Variants in G6PC1 observed in about 807,000 individuals in gnomAD.
G6PC1 encodes the protein glucose-6-phosphatase catalytic subunit 1.
In G6PC1, 23 loss-of-function variants were observed where a neutral mutation model predicts 30.4. The observed-to-expected ratio is 0.76, with a 90% CI of 0.55 to 1.07. The LOEUF (loss-of-function observed/expected upper bound fraction) is 1.07, where lower values mean the gene tolerates loss of function less well. G6PC1 is among the 50% of genes least tolerant of loss of function. G6PC1 has a pLI of 0.00. For synonymous variants in G6PC1, 163 were observed against 175.6 expected (o/e 0.93, Z 0.57); for missense variants, 391 against 433.9 (o/e 0.90, Z 0.88).
rs2056102821 is a variant in G6PC1 at position 42,912,571 on chromosome 17, A to G, written c.*1145A>G. On this transcript the variant is annotated 3_prime_UTR_variant, in exon 5 of 5. Transcript: ENST00000253801. ...TACTTTTAATTCCTAGAGGGTAAAT[A>G]TGACTCCTTTCTCTATCCCAAGCCA... 6.6e-6 allele frequency: 1 copy of G among 151,940 alleles called. No individual in the cohort carries two copies. The highest frequency in any genetic ancestry group is 2.1e-4 in the South Asian group (1 of 4,822). The allele number at this position is 151,940 out of a possible 1,614,324, so 9.4% of individuals were successfully genotyped here. A position where few individuals can be genotyped will look rare whatever the true frequency, so the allele number is the denominator to read the frequency against.
intron 1 of G6PC1, among the ~76,000 whole-genome samples, chr17:42,903,106 G>A (rs62079760): frequency 0.095 from 13,873 of 145,588 alleles, 939 homozygotes; most frequent in Non-Finnish European, 0.14. Flanking sequence ...TTTTGAGATG[G>A]AGTCTTGCTC....
intron 1 of G6PC1, among the ~76,000 whole-genome samples, chr17:42,902,941 A>G (rs1219524560): frequency 6.6e-6 from 1 of 152,040 alleles, no homozygotes; most frequent in Non-Finnish European, 1.5e-5. Flanking sequence ...GAAATGCAAG[A>G]TTCCCTGAGG....
chr17:42,909,378 T>G lies in G6PC1; in HGVS notation c.522T>G (p.Ala174=). ...LNVCLSRIYL[A]AHFPHQVVAG... is the part of the protein sequence containing the mutation. ...TCTGTCTGTCACGAATCTACCTTGCTGCTCATTTTCCTCATCAAGTTGTTG... is the reference window on the plus strand; with the variant it reads ...TCTGTCTGTCACGAATCTACCTTGCGGCTCATTTTCCTCATCAAGTTGTTG... The change falls in exon 4 of 5, where the codon GCT becomes GCG. Residue 174 remains alanine (A), a synonymous_variant. Coordinates refer to ENST00000253801, the MANE Select transcript of G6PC1 (RefSeq NM_000151.4). 1 of 1,614,222 alleles carries G rather than the reference T, an allele frequency of 6.2e-7. No homozygotes were observed. Among genetic ancestry groups the G allele is most frequent in the Non-Finnish European group, 8.5e-7 (1 of 1,180,040 alleles).
At chr17:42,901,209 C>T in intron 1 of G6PC1, 103 bp downstream of exon 1, 1 of 978,230 alleles carries the variant, frequency 1.0e-6, no homozygotes, top group South Asian at 1.3e-5. Context: ...TTCAGGAAGC[C>T]ACGGGCTACT....
At chr17:42,904,656 T>G (rs2056047486) in intron 2 of G6PC1, among the ~76,000 whole-genome samples, 1 of 152,188 alleles carries the variant, frequency 6.6e-6, no homozygotes, top group South Asian at 2.1e-4. Flanking sequence ...TCAGAGCATA[T>G]TCACTCATTC....
chr17:42,905,427 A>G (rs55644250), intron 2 of G6PC1, among the ~76,000 whole-genome samples: 1 of 132,636 alleles, frequency 7.5e-6, no homozygotes, highest in African/African-American at 3.3e-5. Flanking sequence ...AAAAAAAAAA[A>G]AAATATATAT....
chr17:42,904,545 C>T (rs2056046920), intron 2 of G6PC1, among the ~76,000 whole-genome samples: 2 of 152,210 alleles, frequency 1.3e-5, no homozygotes, highest in African/African-American at 4.8e-5. Context: ...AAGACTAGTA[C>T]TCTCTAAGGT....
At chr17:42,907,481 G>C (rs757173918) in intron 2 of G6PC1, 42 bp from the exon 3 acceptor site, 1 of 1,397,676 alleles carries the variant, frequency 7.2e-7, no homozygotes. Flanking sequence ...TCCCAGATGA[G>C]GACCTTTTCA....
chr17:42,903,705 C>CA (rs557777840), intron 1 of G6PC1, among the ~76,000 whole-genome samples: 239 of 138,548 alleles, frequency 1.7e-3, no homozygotes, highest in East Asian at 2.9e-3. Flanking sequence ...GATCCTGTCT[C>CA]AAAAAAAAAA....
Position 42,901,111 on chromosome 17 carries a change from G to C in G6PC1, c.230+5G>C. On this transcript the variant is annotated splice_donor_5th_base_variant and intron_variant, in intron 1 of 4. Coordinates refer to ENST00000253801, the MANE Select transcript of G6PC1 (RefSeq NM_000151.4). ...GCTCAACCTCGTCTTTAAGTGGTAA[G>C]AACCATATAGAGAGGAGATCAGCAA... The C allele has an allele frequency of 4.4e-6, 7 of 1,606,464 alleles. No homozygotes were observed. The highest frequency in any genetic ancestry group is 6.0e-6 in the Non-Finnish European group (7 of 1,172,988).
At chr17:42,906,335 C>T (rs1470637527) in intron 2 of G6PC1, among the ~76,000 whole-genome samples, 1 of 152,126 alleles carries the variant, frequency 6.6e-6, no homozygotes, top group Non-Finnish European at 1.5e-5. Flanking sequence ...CCACAGCGAG[C>T]TCTGAAGCTG....
chr17:42,901,809 G>A (rs1159046259), intron 1 of G6PC1, among the ~76,000 whole-genome samples: 1 of 152,078 alleles, frequency 6.6e-6, no homozygotes, highest in Non-Finnish European at 1.5e-5. Flanking sequence ...CCTGGGAACT[G>A]GGCTCCAGCC....
At chr17:42,908,006 C>A (rs1245225598) in intron 3 of G6PC1, among the ~76,000 whole-genome samples, 3 of 152,162 alleles carry the variant, frequency 2.0e-5, no homozygotes, top group African/African-American at 7.2e-5. Context: ...CAGAGAATTC[C>A]GGGTGTGCAG....
At chr17:42,902,806 G>A (rs1310369928) in intron 1 of G6PC1, among the ~76,000 whole-genome samples, 2 of 152,116 alleles carry the variant, frequency 1.3e-5, no homozygotes, top group African/African-American at 4.8e-5. Flanking sequence ...AAAGTAGAGA[G>A]GATACAGAAC....
intron 2 of G6PC1, among the ~76,000 whole-genome samples, chr17:42,905,429 A>AT (rs1555559450): frequency 0.017 from 2,079 of 120,484 alleles, 26 homozygotes; most frequent in South Asian, 0.022. Flanking sequence ...AAAAAAAAAA[A>AT]ATATATATAT....
intron 2 of G6PC1, 86 bp from the exon 3 acceptor site, chr17:42,907,437 G>A: frequency 1.2e-6 from 1 of 854,334 alleles, no homozygotes; most frequent in Non-Finnish European, 2.0e-6. Flanking sequence ...TGGATAGGGG[G>A]ATGGCTGGGT....
chr17:42,901,076 T>C lies in G6PC1; in HGVS notation c.200T>C (p.Ile67Thr), dbSNP rs1394189448. Reference protein sequence around the residue: ...VGIKLLWVAVIGDWLNLVFKW... With the variant: ...VGIKLLWVAVTGDWLNLVFKW... ...ATTAAACTCCTTTGGGTAGCTGTGATTGGAGACTGGCTCAACCTCGTCTTT... is the reference window on the plus strand; with the variant it reads ...ATTAAACTCCTTTGGGTAGCTGTGACTGGAGACTGGCTCAACCTCGTCTTT... The change falls in exon 1 of 5, where the codon ATT (isoleucine) becomes ACT (threonine). Residue 67 changes from isoleucine (I) to threonine (T), a missense_variant. By Grantham distance (89) the Ile-to-Thr change is moderately conservative. Coordinates refer to ENST00000253801, the MANE Select transcript of G6PC1 (RefSeq NM_000151.4). The C allele has an allele frequency of 1.2e-6, 2 of 1,614,172 alleles. No homozygotes were observed. The highest frequency in any genetic ancestry group is 1.7e-5 in the Admixed American group (1 of 60,022).
In G6PC1 at chr17:42,905,443, T is replaced by TACACAC. The variant is rs748185736; in HGVS notation, c.340+1431_340+1436dup. Among the ~76,000 whole-genome samples the TACACAC allele has an allele frequency of 2.4e-3, 215 of 87,918 alleles. 1 individual carries two copies. The highest frequency in any genetic ancestry group is 0.011 in the African/African-American group (198 of 17,966). The allele number at this position is 87,918 out of a possible 152,430, so 57.7% of individuals were successfully genotyped here. ...AAAAAAAAAAAAATATATATATATATACACACACACACACACACACACACA... is the reference window on the plus strand; with the variant it reads ...AAAAAAAAAAAAATATATATATATATACACACACACACACACACACACACACACACA... On this transcript the variant is annotated intron_variant, in intron 2 of 4. Coordinates refer to ENST00000253801, the MANE Select transcript of G6PC1 (RefSeq NM_000151.4).
rs762677766 is a variant in G6PC1, at chr17:42,907,745, C to T, written c.446+117C>T. ...TAGCCCGCTCCCACACCTGGGCAGC[C>T]GCTGATTAAGAGTTGTGGCACTTTG... On this transcript the variant is annotated intron_variant, in intron 3 of 4. Coordinates refer to ENST00000253801, the MANE Select transcript of G6PC1 (RefSeq NM_000151.4). 44 of 742,232 alleles carry T rather than the reference C, an allele frequency of 5.9e-5. 2 individuals are homozygous for T. The highest frequency in any genetic ancestry group is 4.5e-4 in the African/African-American group (26 of 57,672). 46.0% of individuals were successfully genotyped at this position (742,232 alleles called of 1,614,324 possible).
Sources: gnomAD v4.1 joint callset for allele counts (sites outside exome capture counted in the v4.1 genomes callset) on GRCh38, gnomAD v4.1.1 for gene constraint, MANE v1.5 for transcripts, NCBI Gene and HGNC (gene_info 2026-07-23, HGNC 2026-07-21) for gene names.